The following SCART1 variants were observed in gnomAD, a reference collection of about 807,000 sequenced individuals.
The protein encoded by SCART1 is scavenger receptor family member expressed on T cells 1, also known as scavenger receptor cysteine-rich domain-containing protein SCART1.
In SCART1, 62 loss-of-function variants were observed where a neutral mutation model predicts 36.2. The observed-to-expected ratio is 1.71, with a 90% CI of 1.40 to 2.12. SCART1 has a LOEUF of 2.12. Among genes scored for constraint, SCART1 ranks in the 30% most tolerant of loss-of-function variants. The probability of loss-of-function intolerance (pLI) is 0.00; values close to 1 mark genes in which losing one functional copy is unlikely to be tolerated. For synonymous variants in SCART1, 487 were observed against 238.7 expected (o/e 2.04, Z -9.59); for missense variants, 1,041 against 540.5 (o/e 1.93, Z -9.18).
chr10:133,463,264 C>T (rs924222166), intron 6 of SCART1, among the ~76,000 whole-genome samples: 1 of 152,114 alleles, frequency 6.6e-6, no homozygotes, highest in Non-Finnish European at 1.5e-5. Context: ...TGCAGTCAAG[C>T]TAATGAACAT....
rs571585272 is a variant in SCART1 at position 133,456,452 on chromosome 10, G to C, written c.283G>C (p.Val95Leu). 25 of 702,404 alleles carry C rather than the reference G, an allele frequency of 3.6e-5. No homozygotes were observed. In the African/African-American group the frequency reaches 3.7e-4, roughly 10 times the overall value. The allele number at this position is 702,404 out of a possible 1,614,324, so 43.5% of individuals were successfully genotyped here. A position where few individuals can be genotyped will look rare whatever the true frequency, so the allele number is the denominator to read the frequency against. ...GATGGCCCAGCCCTGGCTTCACAAC[G>C]TGTCCTGCCGGGGCAACGAGTCCTC... Residue 95 changes from valine (V) to leucine (L), a missense_variant, in exon 2 of 12, where the codon GTG (valine) becomes CTG (leucine). Physicochemically the swap from Val to Leu is conservative, Grantham distance 32. Transcript: ENST00000640237.
chr10:133,460,949 C>T (rs539767764), intron 6 of SCART1, among the ~76,000 whole-genome samples: 3 of 152,008 alleles, frequency 2.0e-5, no homozygotes, highest in African/African-American at 4.8e-5. Flanking sequence ...TTGCCCAGGC[C>T]GGTCTCAAAC....
chr10:133,460,491 TA>T (rs1850686764), intron 6 of SCART1, among the ~76,000 whole-genome samples: 1 of 144,206 alleles, frequency 6.9e-6, no homozygotes, highest in South Asian at 2.3e-4. Flanking sequence ...TATATATATT[TA>T]TATATTTTAA....
At chr10:133,467,117 T>G in intron 10 of SCART1, 81 bp from the exon 11 acceptor site, 1 of 570,172 alleles carries the variant, frequency 1.8e-6, no homozygotes. Flanking sequence ...CTGGGGTTCC[T>G]GCCTGGAGTT....
At chr10:133,460,501 A>T (rs2492656) in intron 6 of SCART1, among the ~76,000 whole-genome samples, 117,263 of 140,336 alleles carry the variant, frequency 0.84, 49,134 homozygotes, top group Middle Eastern at 0.89. Context: ...TATATATTTT[A>T]AAAAATATTT....
chr10:133,458,418 G>A (rs1452148365), exon 4 of SCART1: 1 of 701,334 alleles, frequency 1.4e-6, no homozygotes, highest in Non-Finnish European at 2.6e-6. Flanking sequence ...GCCTGGAGGT[G>A]ACCTGGGGCA....
intron 3 of SCART1, chr10:133,458,137 G>GTGACCC: frequency 1.4e-6 from 1 of 693,608 alleles, no homozygotes. Context: ...CCTGCAGCAG[G>GTGACCC]TGACCCTGAC....
At chr10:133,466,001 C>A in intron 9 of SCART1, 1 of 667,552 alleles carries the variant, frequency 1.5e-6, no homozygotes, top group Non-Finnish European at 2.7e-6. Flanking sequence ...TGCCTGGGGG[C>A]CATGTTTTAC....
exon 6 of SCART1, chr10:133,459,977 G>T (rs1408756962): frequency 3.7e-6 from 2 of 546,848 alleles, no homozygotes; most frequent in Middle Eastern, 3.8e-4. Context: ...ACGCGCACGT[G>T]GTCTGCAGGC....
At chr10:133,468,473 T>C (rs1338659963) in exon 12 of SCART1, 1 of 152,368 alleles carries the variant, frequency 6.6e-6, no homozygotes, top group Admixed American at 6.5e-5. Context: ...AATCTCTTTT[T>C]CTGTGCCTTA....
chr10:133,464,725 A>C (rs139677244), exon 7 of SCART1: 1 of 699,250 alleles, frequency 1.4e-6, no homozygotes, highest in Non-Finnish European at 2.6e-6. Context: ...CTCCTTGTCC[A>C]TCATCTGCAA....
chr10:133,458,078 T>G, intron 3 of SCART1: 1 of 645,002 alleles, frequency 1.6e-6, no homozygotes, highest in Non-Finnish European at 2.8e-6. Context: ...TTGCAGAGGG[T>G]GTTGCTGTCA....
exon 8 of SCART1, chr10:133,465,158 C>T (rs1320683441): frequency 5.7e-6 from 4 of 702,936 alleles, no homozygotes; most frequent in Middle Eastern, 2.3e-4. Context: ...ACTGCTCCTC[C>T]TGGCTCGGCT....
At position 133,466,482 on chromosome 10, in the gene SCART1, A is replaced by T; in HGVS notation, c.2806+101A>T. 7.8e-6 allele frequency: 5 copies of T among 640,974 alleles called. No homozygotes were observed. In the South Asian group the frequency reaches 9.1e-5, roughly 12 times the overall value. 39.7% of individuals were successfully genotyped at this position (640,974 alleles called of 1,614,324 possible). A position where few individuals can be genotyped will look rare whatever the true frequency, so the allele number is the denominator to read the frequency against. On this transcript the variant is annotated intron_variant, in intron 10 of 11. Transcript: ENST00000640237. ...GGGGTCTGGGCAGGCGGGGTGCCCC[A>T]CAGCAGTCAGGCCTATGCAGACCTA...
At chr10:133,461,822 G>A (rs993434279) in intron 6 of SCART1, among the ~76,000 whole-genome samples, 8 of 152,174 alleles carry the variant, frequency 5.3e-5, no homozygotes, top group African/African-American at 1.7e-4. Flanking sequence ...GGAAAGCGGC[G>A]GATGTTAGCC....
intron 7 of SCART1, 58 bp downstream of exon 7, chr10:133,464,969 T>C (rs1429460376): frequency 1.4e-6 from 1 of 702,220 alleles, no homozygotes; most frequent in East Asian, 2.7e-5. Flanking sequence ...TGGGAAGAGG[T>C]TTATCTGTCC....
intron 6 of SCART1, 44 bp downstream of exon 6, chr10:133,460,214 G>A (rs1486178685): frequency 1.8e-5 from 8 of 449,542 alleles, no homozygotes; most frequent in East Asian, 1.4e-4. Context: ...GTTTTATTAC[G>A]TACAGTCATG....
chr10:133,456,415 G>A (rs970035454), exon 2 of SCART1: 23 of 702,754 alleles, frequency 3.3e-5, no homozygotes, highest in South Asian at 5.9e-5. Context: ...AGTATGTCCC[G>A]CTGCCTGGAG....
chr10:133,458,824 C>T, intron 4 of SCART1, 168 bp downstream of exon 4: 2 of 658,896 alleles, frequency 3.0e-6, no homozygotes. Context: ...TGATGTACCC[C>T]AAGGCTGCAG....
Sources: gnomAD v4.1 joint callset for allele counts (sites outside exome capture counted in the v4.1 genomes callset) on GRCh38, gnomAD v4.1.1 for gene constraint, MANE v1.5 for transcripts, NCBI Gene and HGNC (gene_info 2026-07-23, HGNC 2026-07-21) for gene names.